The following REDIC1 variants were observed in gnomAD, a reference collection of about 807,000 sequenced individuals.
REDIC1 encodes the protein HEI10 Interacting Protein 1.
chr12:39,646,405 T>TA, the REDIC1 span: 1 of 1,487,100 alleles, frequency 6.7e-7, no homozygotes, highest in Non-Finnish European at 9.0e-7. Context: ...ATTTAGAACT[T>TA]ACAATGTCGC....
At chr12:39,712,380 C>T in the REDIC1 span, among the ~76,000 whole-genome samples, 89 of 119,910 alleles carry the variant, frequency 7.4e-4, 5 homozygotes, top group East Asian at 0.013. Context: ...GTATATATAC[C>T]TATATATATA....
At chr12:39,733,670 A>C in the REDIC1 span, among the ~76,000 whole-genome samples, 2 of 152,210 alleles carry the variant, frequency 1.3e-5, no homozygotes, top group Non-Finnish European at 2.9e-5. Flanking sequence ...GGCTCTGCCC[A>C]GTTCAAACTT....
At chr12:39,646,792 G>T in the REDIC1 span, 3 of 1,276,666 alleles carry the variant, frequency 2.3e-6, no homozygotes, top group East Asian at 4.8e-5. Flanking sequence ...AAGGACAGTC[G>T]ATTTTATTTC....
the REDIC1 span, among the ~76,000 whole-genome samples, chr12:39,770,745 A>T: frequency 1.3e-5 from 2 of 152,112 alleles, no homozygotes; most frequent in African/African-American, 4.8e-5. Flanking sequence ...AGTTAACACC[A>T]CCTTACCCTA....
chr12:39,679,712 G>C, the REDIC1 span, among the ~76,000 whole-genome samples: 1 of 152,134 alleles, frequency 6.6e-6, no homozygotes, highest in East Asian at 1.9e-4. Context: ...GAACAAATCT[G>C]GAGGCATCAC....
chr12:39,676,363 G>A, the REDIC1 span, among the ~76,000 whole-genome samples: 1 of 152,194 alleles, frequency 6.6e-6, no homozygotes, highest in East Asian at 1.9e-4. Context: ...TGAGTTTGAA[G>A]ACAAGGCTTT....
At chr12:39,626,953 TG>T in the REDIC1 span, among the ~76,000 whole-genome samples, 1 of 152,218 alleles carries the variant, frequency 6.6e-6, no homozygotes, top group African/African-American at 2.4e-5. Flanking sequence ...GAAAATTTAG[TG>T]TTATATAACC....
the REDIC1 span, among the ~76,000 whole-genome samples, chr12:39,696,904 AGAAT>A: frequency 1.3e-5 from 2 of 152,104 alleles, no homozygotes; most frequent in Non-Finnish European, 2.9e-5. Context: ...AAAATAAAAA[AGAAT>A]GAAGTATGCC....
the REDIC1 span, among the ~76,000 whole-genome samples, chr12:39,802,890 A>G: frequency 6.6e-6 from 1 of 152,192 alleles, no homozygotes; most frequent in Non-Finnish European, 1.5e-5. Flanking sequence ...AGGGGAATTA[A>G]CATCAAAATA....
chr12:39,728,243 A>G, the REDIC1 span, among the ~76,000 whole-genome samples: 1 of 152,176 alleles, frequency 6.6e-6, no homozygotes, highest in African/African-American at 2.4e-5. Flanking sequence ...GAATGCTTCC[A>G]GCTTTTGCCC....
chr12:39,761,432 TG>T, the REDIC1 span, among the ~76,000 whole-genome samples: 1 of 152,072 alleles, frequency 6.6e-6, no homozygotes, highest in Non-Finnish European at 1.5e-5. Context: ...AAATAATGTA[TG>T]TTATCATGCC....
At chr12:39,725,295 T>C in the REDIC1 span, among the ~76,000 whole-genome samples, 1 of 152,160 alleles carries the variant, frequency 6.6e-6, no homozygotes, top group Admixed American at 6.5e-5. Flanking sequence ...AATCACAAAC[T>C]AGCCACTACT....
chr12:39,812,382 C>CTTTTCTTTTCTTTTT, the REDIC1 span, among the ~76,000 whole-genome samples: 1 of 101,348 alleles, frequency 9.9e-6, no homozygotes, highest in African/African-American at 3.4e-5. Flanking sequence ...CTTTTCTTTT[C>CTTTTCTTTTCTTTTT]TTTCTTTCTC....
chr12:39,872,974 A>C, the REDIC1 span, among the ~76,000 whole-genome samples: 4 of 152,222 alleles, frequency 2.6e-5, no homozygotes, highest in African/African-American at 9.7e-5. Flanking sequence ...CAGTTTGTGA[A>C]TATTTATCAA....
At chr12:39,689,668 G>A in the REDIC1 span, among the ~76,000 whole-genome samples, 27 of 152,114 alleles carry the variant, frequency 1.8e-4, no homozygotes. Flanking sequence ...ACCAGAAAAG[G>A]GGGCTGAGAA....
the REDIC1 span, among the ~76,000 whole-genome samples, chr12:39,863,948 G>A: frequency 6.6e-5 from 10 of 152,146 alleles, no homozygotes; most frequent in Non-Finnish European, 1.2e-4. Context: ...TGAGACTTGC[G>A]TCCATCTATT....
the REDIC1 span, among the ~76,000 whole-genome samples, chr12:39,761,637 AAAAAT>A: frequency 1.3e-5 from 2 of 152,154 alleles, no homozygotes; most frequent in African/African-American, 4.8e-5. Flanking sequence ...TTGACAAAAA[AAAAAT>A]GAAAGGAGAT....
chr12:39,692,123 CTG>C, the REDIC1 span: 1 of 1,532,186 alleles, frequency 6.5e-7, no homozygotes, highest in Non-Finnish European at 8.9e-7. Context: ...GTCAGTATAA[CTG>C]TATAAGTTAA....
chr12:39,697,237 C>T, the REDIC1 span, among the ~76,000 whole-genome samples: 1 of 152,152 alleles, frequency 6.6e-6, no homozygotes. Flanking sequence ...AGGAAGAAAC[C>T]TTTTACCCTA....
Sources: allele counts gnomAD v4.1 joint callset (sites outside exome capture counted in the v4.1 genomes callset), GRCh38; gene constraint gnomAD v4.1.1; transcripts MANE v1.5; gene names NCBI Gene and HGNC (gene_info 2026-07-23, HGNC 2026-07-21).